Variants in DLGAP1 observed in about 807,000 individuals in gnomAD.
DLGAP1 encodes the protein DLG associated protein 1, also known as disks large-associated protein 1.
DLGAP1 carries 11 observed loss-of-function variants against 90.8 expected under a neutral mutation model. That is an observed-to-expected ratio of 0.12 (90% CI 0.08 to 0.20). The LOEUF is 0.20. Among genes scored for constraint, DLGAP1 ranks in the 10% least tolerant of loss-of-function variants. The pLI, the probability that DLGAP1 is intolerant of heterozygous loss-of-function variation, is 1.00. For synonymous variants in DLGAP1, 558 were observed against 540.7 expected, an observed-to-expected ratio of 1.03 and a Z score of -0.44; for missense variants, 1,050 against 1,333.8, an observed-to-expected ratio of 0.79 and a Z score of 3.31.
intron 8 of DLGAP1, among the ~76,000 whole-genome samples, chr18:3,567,814 C>T (rs1663272674): frequency 6.6e-6 from 1 of 152,098 alleles, no homozygotes; most frequent in Non-Finnish European, 1.5e-5. Flanking sequence ...TTTATGATTC[C>T]TCCACAGATT....
intron 2 of DLGAP1, among the ~76,000 whole-genome samples, chr18:4,104,233 C>G (rs941939152): frequency 3.9e-5 from 6 of 152,036 alleles, no homozygotes; most frequent in African/African-American, 1.4e-4. Context: ...ACCACCTTAT[C>G]TTCTTCTGTG....
chr18:3,619,003 C>T (rs1159948929), intron 7 of DLGAP1, among the ~76,000 whole-genome samples: 2 of 151,872 alleles, frequency 1.3e-5, no homozygotes, highest in African/African-American at 4.8e-5. Flanking sequence ...ATATGACTGG[C>T]GTCCTTCTAA....
At chr18:3,619,270 A>G (rs997582499) in intron 7 of DLGAP1, among the ~76,000 whole-genome samples, 7 of 152,244 alleles carry the variant, frequency 4.6e-5, no homozygotes, top group African/African-American at 1.7e-4. Flanking sequence ...GGGACTTCAG[A>G]AAAATTCCAA....
At chr18:4,260,783 AATGATCTC>A (rs1473224815) in intron 1 of DLGAP1, among the ~76,000 whole-genome samples, 1 of 152,216 alleles carries the variant, frequency 6.6e-6, no homozygotes, top group African/African-American at 2.4e-5. Context: ...TCTGCATTCT[AATGATCTC>A]ATCAGGAACT....
intron 3 of DLGAP1, among the ~76,000 whole-genome samples, chr18:3,950,388 A>G (rs573863738): frequency 1.2e-4 from 19 of 152,346 alleles, no homozygotes; most frequent in African/African-American, 4.6e-4. Context: ...TCCCCTCTGG[A>G]ACAACAGAGT....
intron 3 of DLGAP1, among the ~76,000 whole-genome samples, chr18:3,910,608 A>C (rs145592234): frequency 0.014 from 2,091 of 152,260 alleles, 30 homozygotes; most frequent in South Asian, 0.025. Flanking sequence ...CAGAACAATG[A>C]AAACTGAAAA....
chr18:3,528,444 T>C (rs140396856), intron 10 of DLGAP1, among the ~76,000 whole-genome samples: 42 of 151,962 alleles, frequency 2.8e-4, no homozygotes, highest in Middle Eastern at 6.8e-3. Flanking sequence ...TGCCAAGGAG[T>C]CAGGGACAGA....
intron 9 of DLGAP1, among the ~76,000 whole-genome samples, chr18:3,562,692 G>A (rs956573181): frequency 6.7e-6 from 1 of 148,538 alleles, no homozygotes. Context: ...TTACAGACAC[G>A]CGCCACCACG....
Position 3,499,457 on chromosome 18 carries a change from G to T in DLGAP1, c.2725-63C>A. ...CTCAGGACAAGCTTGGGAAAAACTG[G>T]GATAGGTCAGTAGTTAGAACACACA... On this transcript the variant is annotated intron_variant, in intron 12 of 12. Transcript: ENST00000315677. The surrounding 1 kb of genome is among the most constrained non-coding windows in gnomAD (Gnocchi z 6.4). 1 of 1,517,114 alleles carries T rather than the reference G, an allele frequency of 6.6e-7. No homozygotes were observed. Among genetic ancestry groups the T allele is most frequent in the Non-Finnish European group, 8.9e-7 (1 of 1,120,996 alleles). 94.0% of individuals were successfully genotyped at this position (1,517,114 alleles called of 1,614,324 possible).
At position 4,224,564 on chromosome 18, in the gene DLGAP1, T is replaced by C. The variant is rs528278788; in HGVS notation, c.-266-73277A>G. ...GTGAACACTGGCAGTAGCCTGGCAA[T>C]ACAACCTGCAGGCCTGTGGTGGTGG... On this transcript the variant is annotated intron_variant, in intron 1 of 12. Coordinates refer to ENST00000315677, the MANE Select transcript of DLGAP1 (RefSeq NM_004746.4). Among the ~76,000 whole-genome samples the C allele has an allele frequency of 5.9e-5, 9 of 152,136 alleles. No homozygotes were observed. The East Asian group carries it at 1.6e-3, about 26-fold the overall frequency.
At chr18:4,354,382 C>T (rs568949871) in intron 1 of DLGAP1, among the ~76,000 whole-genome samples, 73 of 152,238 alleles carry the variant, frequency 4.8e-4, no homozygotes, top group South Asian at 4.1e-4. Flanking sequence ...CCCAGGAAGA[C>T]GGAATGCCAC....
intron 8 of DLGAP1, among the ~76,000 whole-genome samples, chr18:3,581,240 G>C (rs1463308945): frequency 6.6e-6 from 1 of 152,216 alleles, no homozygotes; most frequent in Non-Finnish European, 1.5e-5. Context: ...CTCTGGGAGA[G>C]CTCTGCCTAG....
intron 1 of DLGAP1, among the ~76,000 whole-genome samples, chr18:4,425,670 T>C (rs2083135787): frequency 1.3e-5 from 2 of 152,208 alleles, no homozygotes; most frequent in Admixed American, 1.3e-4. Context: ...CTAGATGTTA[T>C]GATAGGTGCT....
intron 1 of DLGAP1, among the ~76,000 whole-genome samples, chr18:4,276,902 TA>T (rs1464730979): frequency 6.6e-6 from 1 of 152,238 alleles, no homozygotes; most frequent in African/African-American, 2.4e-5. Context: ...TGTAAGATTT[TA>T]AAAAAGTGTA....
chr18:4,187,599 C>G (rs181516011), intron 1 of DLGAP1, among the ~76,000 whole-genome samples: 1 of 152,078 alleles, frequency 6.6e-6, no homozygotes, highest in Non-Finnish European at 1.5e-5. Context: ...TTAGTATCAT[C>G]CATTTTCTGT....
intron 2 of DLGAP1, among the ~76,000 whole-genome samples, chr18:4,137,941 C>T (rs556632147): frequency 2.6e-5 from 4 of 152,128 alleles, no homozygotes; most frequent in Non-Finnish European, 4.4e-5. Flanking sequence ...AGAAATGCTA[C>T]GGATTTTTTA....
intron 1 of DLGAP1, among the ~76,000 whole-genome samples, chr18:4,160,502 G>A (rs758172321): frequency 1.1e-4 from 16 of 152,036 alleles, no homozygotes; most frequent in Non-Finnish European, 1.5e-4. Flanking sequence ...TTAATGCATC[G>A]ATTATTTCAT....
At chr18:3,763,796 G>A (rs555336277) in intron 5 of DLGAP1, among the ~76,000 whole-genome samples, 23 of 151,722 alleles carry the variant, frequency 1.5e-4, no homozygotes, top group Non-Finnish European at 2.1e-4. Context: ...CAAGTAGCTC[G>A]GATTACAGGC....
chr18:4,209,237 C>T (rs2077789455), intron 1 of DLGAP1, among the ~76,000 whole-genome samples: 1 of 152,108 alleles, frequency 6.6e-6, no homozygotes, highest in Admixed American at 6.6e-5. Context: ...GGTGATTCTC[C>T]ACCAGGCAGC....
Sources: gnomAD v4.1 joint callset for allele counts (sites outside exome capture counted in the v4.1 genomes callset) on GRCh38, gnomAD v4.1.1 for gene constraint, Gnocchi (gnomAD v3.1) non-coding constraint, MANE v1.5 for transcripts, NCBI Gene and HGNC (gene_info 2026-07-23, HGNC 2026-07-21) for gene names.